The following ACP4 variants were observed in gnomAD, a reference collection of about 807,000 sequenced individuals.
ACP4 encodes testicular acid phosphatase.
A neutral mutation model predicts 47.3 loss-of-function variants in ACP4; 49 were observed. The ratio of observed to expected loss-of-function variants is 1.04; its 90% CI spans 0.82 to 1.32. The LOEUF is 1.32. Among genes scored for constraint, ACP4 ranks in the 40% most tolerant of loss-of-function variants. The probability of loss-of-function intolerance (pLI) is 0.00; values close to 1 mark genes in which losing one functional copy is unlikely to be tolerated. For synonymous variants in ACP4, 299 were observed against 265.3 expected, an observed-to-expected ratio of 1.13 and a Z score of -1.23; for missense variants, 594 against 579.3, an observed-to-expected ratio of 1.03 and a Z score of -0.26.
In ACP4 at chr19:50,793,666, T is replaced by C; in HGVS notation, c.646-18T>C. ...ACTCGAGGGCTCAGGATGGTCCATC[T>C]GTCCTGTCTCCCCACAGCAAGCCCA... On this transcript the variant is annotated intron_variant, in intron 6 of 10. Coordinates refer to ENST00000270593, the MANE Select transcript of ACP4 (RefSeq NM_033068.3). The C allele has an allele frequency of 1.2e-6, 2 of 1,611,456 alleles. No individual in the cohort carries two copies. The highest frequency in any genetic ancestry group is 1.7e-6 in the Non-Finnish European group (2 of 1,179,012).
At position 50,792,314 on chromosome 19, in the gene ACP4, G is replaced by A. The variant is rs745995702; in HGVS notation, c.622G>A (p.Val208Ile). Residue 208 changes from valine to isoleucine, a missense_variant, in exon 6 of 11, where the codon GTT becomes ATT. Transcript: ENST00000270593. ...VGEPLRRAWK[V>I]LDTLMCQQAH... ...AGAGCCACTGCGCAGGGCATGGAAGGTTCTGGACACCCTCATGTGCCAGGT... is the reference window on the plus strand; with the variant it reads ...AGAGCCACTGCGCAGGGCATGGAAGATTCTGGACACCCTCATGTGCCAGGT... 6.2e-7 allele frequency: 1 copy of A among 1,613,428 alleles called. No homozygotes were observed. Among genetic ancestry groups the A allele is most frequent in the South Asian group, 1.1e-5 (1 of 91,088 alleles).
intron 4 of ACP4, 111 bp downstream of exon 4, chr19:50,791,913 G>T: frequency 6.8e-7 from 1 of 1,476,836 alleles, no homozygotes; most frequent in Non-Finnish European, 9.0e-7. Context: ...CCTCGAGCTG[G>T]TCTGTCCAGA....
In ACP4 at chr19:50,792,676, CTTTTTTTTTTTTTT is replaced by C. The variant is rs781192952; in HGVS notation, c.645+348_645+361del. 1.2e-4 allele frequency: 13 copies of C among 110,670 alleles called. No homozygotes were observed. The East Asian group carries it at 1.4e-3, about 12-fold the overall frequency. 6.9% of individuals were successfully genotyped at this position (110,670 alleles called of 1,614,324 possible). On this transcript the variant is annotated intron_variant, in intron 6 of 10. Transcript: ENST00000270593. ...GGAGCTGACCTGAAATGATGCAATG[CTTTTTTTTTTTTTT>C]TTTTTTTTGGAGACAGGATCTCACT...
At chr19:50,790,954 T>C in intron 3 of ACP4, 94 bp downstream of exon 3, 22 of 1,249,618 alleles carry the variant, frequency 1.8e-5, no homozygotes, top group Non-Finnish European at 2.4e-5. Context: ...CCTCTGGCCT[T>C]TGACCTCCAT....
chr19:50,791,953 C>G (rs1357386335), intron 4 of ACP4, 120 bp from the exon 5 acceptor site: 10 of 1,452,384 alleles, frequency 6.9e-6, no homozygotes, highest in African/African-American at 4.2e-5. Context: ...ACGCTGCTCT[C>G]CTGGATCTGG....
chr19:50,793,823 T>G lies in ACP4; in HGVS notation c.778+7T>G. On this transcript the variant is annotated splice_region_variant and intron_variant, in intron 7 of 10. Transcript: ENST00000270593. The stretch of plus-strand genomic sequence containing the variant: ...AAGGCCCAGCTGACAGGGGGTGAGG[T>G]GTGGGTCTGGGAGGCTGGGGTGCCT... 1.2e-6 allele frequency: 2 copies of G among 1,613,914 alleles called. No individual in the cohort carries two copies. Among genetic ancestry groups the G allele is most frequent in the Non-Finnish European group, 1.7e-6 (2 of 1,179,990 alleles).
chr19:50,792,412 G>A (rs912583567), intron 6 of ACP4, 75 bp downstream of exon 6: 3 of 1,457,816 alleles, frequency 2.1e-6, no homozygotes, highest in African/African-American at 2.8e-5. Flanking sequence ...CACTAGCTGT[G>A]TTCCCTCAGG....
chr19:50,790,802 G>T lies in ACP4; in HGVS notation c.245G>T (p.Gly82Val). The T allele has an allele frequency of 6.5e-7, 1 of 1,548,532 alleles. No individual in the cohort carries two copies. The highest frequency in any genetic ancestry group is 8.7e-7 in the Non-Finnish European group (1 of 1,146,770). The change falls in exon 3 of 11, where the codon GGC (glycine) becomes GTC (valine). Residue 82 changes from glycine (G) to valine (V), a missense_variant. By Grantham distance (109) the Gly-to-Val change is moderately radical. Coordinates refer to ENST00000270593, the MANE Select transcript of ACP4 (RefSeq NM_033068.3). The part of the protein sequence containing the change: ...TEGVRQQLEL[G>V]RFLRSRYEAF... ...GGGGTCCGCCAGCAGCTGGAGCTGG[G>T]CCGCTTCCTGAGGAGCCGCTACGAG...
Position 50,791,670 on chromosome 19 carries a change from C to T in ACP4, c.318C>T (p.Ser106=), listed in dbSNP as rs372305303. The part of the protein sequence containing the change: ...EYRREEVYIR[S]TDFDRTLESA... ...CCCCGCTCCAGGTGTACATCCGCAG[C>T]ACGGACTTTGACCGCACGCTGGAGA... Residue 106 remains serine (S), a synonymous_variant, in exon 4 of 11, where the codon AGC becomes AGT. Coordinates refer to ENST00000270593, the MANE Select transcript of ACP4 (RefSeq NM_033068.3). 3.1e-6 allele frequency: 5 copies of T among 1,612,524 alleles called. No individual in the cohort carries two copies. The African/African-American group carries it at 6.7e-5, about 22-fold the overall frequency.
Position 50,790,711 on chromosome 19 carries a change from T to G in ACP4, c.216+13T>G. On this transcript the variant is annotated intron_variant, in intron 2 of 10. Transcript: ENST00000270593. ...CCAGCTGACCACGGTGAGAAGCGGGTAGGCGGTGAGGGCAAGGGTGGGAGG... is the reference window on the plus strand; with the variant it reads ...CCAGCTGACCACGGTGAGAAGCGGGGAGGCGGTGAGGGCAAGGGTGGGAGG... 1 of 1,448,056 alleles carries G rather than the reference T, an allele frequency of 6.9e-7. No homozygotes were observed. The highest frequency in any genetic ancestry group is 1.5e-5 in the African/African-American group (1 of 67,394). 89.7% of individuals were successfully genotyped at this position (1,448,056 alleles called of 1,614,324 possible).
At chr19:50,793,857 G>A (rs766957804) in intron 7 of ACP4, 31 bp from the exon 8 acceptor site, 3 of 1,614,156 alleles carry the variant, frequency 1.9e-6, no homozygotes, top group Non-Finnish European at 2.5e-6. Context: ...CTTCCTCTGG[G>A]AGAGTCTAAG....
At position 50,794,748 on chromosome 19, in the gene ACP4, C is replaced by T. The variant is rs201911267; in HGVS notation, c.987-38C>T. 4.4e-6 allele frequency: 7 copies of T among 1,575,216 alleles called. No individual in the cohort carries two copies. In the East Asian group the frequency reaches 6.7e-5, roughly 15 times the overall value. On this transcript the variant is annotated intron_variant, in intron 9 of 10. Coordinates refer to ENST00000270593, the MANE Select transcript of ACP4 (RefSeq NM_033068.3). ...TTTCTCCAGGCTTTAAGATCAATGA[C>T]AGGAGGGAGGAGGTGCCACCATGTC...
In ACP4 at chr19:50,792,238, C is replaced by T. The variant is rs377747108; in HGVS notation, c.550-4C>T. The stretch of plus-strand genomic sequence containing the variant: ...CCTGGGCTCACCCAGCCCCGCGCAT[C>T]CAGGGCTTCCTGAGTCGCCTGGAGA... On this transcript the variant is annotated splice_polypyrimidine_tract_variant and splice_region_variant and intron_variant, in intron 5 of 10. Coordinates refer to ENST00000270593, the MANE Select transcript of ACP4 (RefSeq NM_033068.3). 1.4e-4 allele frequency: 221 copies of T among 1,613,040 alleles called. No homozygotes were observed. In the African/African-American group the frequency reaches 2.4e-3, roughly 17 times the overall value.
intron 8 of ACP4, 69 bp from the exon 9 acceptor site, chr19:50,794,388 G>C: frequency 1.3e-6 from 2 of 1,584,270 alleles, no homozygotes; most frequent in Non-Finnish European, 1.7e-6. Context: ...ATCTGGATGC[G>C]CAAGTGTAGT....
chr19:50,793,966 C>T lies in ACP4; in HGVS notation c.857C>T (p.Ser286Leu), dbSNP rs775592023. ...CTGCCCCTCAAGATGGTCATGTACTCAGCTGTGAGTCCTTGGGAAGCAGTG... is the reference window on the plus strand; with the variant it reads ...CTGCCCCTCAAGATGGTCATGTACTTAGCTGTGAGTCCTTGGGAAGCAGTG... ...LGLPLKMVMY[S>L]AHDSTLLALQ... Residue 286 changes from serine to leucine, a missense_variant, in exon 8 of 11, where the codon TCA becomes TTA. Ser to Leu is a moderately radical substitution (Grantham distance 145). Coordinates refer to ENST00000270593, the MANE Select transcript of ACP4 (RefSeq NM_033068.3). 6.2e-7 allele frequency: 1 copy of T among 1,613,880 alleles called. No homozygotes were observed. The highest frequency in any genetic ancestry group is 1.3e-5 in the African/African-American group (1 of 74,924).
chr19:50,792,927 T>TC, intron 6 of ACP4: 1 of 152,598 alleles, frequency 6.6e-6, no homozygotes, highest in Middle Eastern at 3.4e-3. Context: ...TCCTTTCGCC[T>TC]CCCCAAGAGC....
rs752125904 is a variant in ACP4, at chr19:50,791,655, G to C, written c.304-1G>C. 6.2e-7 allele frequency: 1 copy of C among 1,609,542 alleles called. No homozygotes were observed. The highest frequency in any genetic ancestry group is 1.1e-5 in the South Asian group (1 of 91,006). On this transcript the variant is annotated splice_acceptor_variant, in intron 3 of 10. Coordinates refer to ENST00000270593, the MANE Select transcript of ACP4 (RefSeq NM_033068.3). LOFTEE classifies it high-confidence loss of function. The stretch of plus-strand genomic sequence containing the variant: ...CGTGCCCTCTCTCCACCCCGCTCCA[G>C]GTGTACATCCGCAGCACGGACTTTG...
At chr19:50,792,550 G>C in intron 6 of ACP4, 1 of 580,626 alleles carries the variant, frequency 1.7e-6, no homozygotes, top group Non-Finnish European at 3.1e-6. Context: ...GCTTACAATA[G>C]TGCCTGGTGT....
intron 9 of ACP4, 27 bp downstream of exon 9, chr19:50,794,608 A>G (rs753330814): frequency 6.8e-6 from 11 of 1,613,850 alleles, no homozygotes; most frequent in Non-Finnish European, 9.3e-6. Flanking sequence ...GCCCAGGGAC[A>G]TGGGTGGGAC....
Sources: gnomAD v4.1 joint callset for allele counts on GRCh38, gnomAD v4.1.1 for gene constraint, MANE v1.5 for transcripts, NCBI Gene and HGNC (gene_info 2026-07-23, HGNC 2026-07-21) for gene names.